PELP1: variants seen among roughly 807,000 people sequenced by gnomAD.
PELP1 encodes the protein proline, glutamate and leucine rich protein 1.
Under a neutral mutation model 95.5 loss-of-function variants are expected in PELP1, and 32 were observed. The ratio of observed to expected loss-of-function variants is 0.34; its 90% CI spans 0.25 to 0.45. The LOEUF is 0.45. Ranked by LOEUF, PELP1 falls within the 20% of genes least tolerant of loss-of-function variation. The probability of loss-of-function intolerance (pLI) is 1.00; values close to 1 mark genes in which losing one functional copy is unlikely to be tolerated. For synonymous variants in PELP1, 668 were observed against 600.1 expected, an observed-to-expected ratio of 1.11 and a Z score of -1.65; for missense variants, 1,358 against 1,444.8, an observed-to-expected ratio of 0.94 and a Z score of 0.97.
Position 4,672,893 on chromosome 17 carries a change from G to T in PELP1, c.2098C>A (p.Pro700Thr). 6.2e-7 allele frequency: 1 copy of T among 1,613,838 alleles called. No individual in the cohort carries two copies. Among genetic ancestry groups the T allele is most frequent in the Non-Finnish European group, 8.5e-7 (1 of 1,179,836 alleles). ...TGGTTGGCTGTGGTGGGAGGTCCAG[G>T]GCGTGCCGAGGGCACAGGGCCTGCT... is the stretch of plus-strand genomic sequence containing the variant. ...PSAGPVPSAR[P>T]GPPTTANHLG... Residue 700 changes from proline to threonine, a missense_variant, in exon 16 of 17, where the codon CCT (proline) becomes ACT (threonine). Pro to Thr is a conservative substitution (Grantham distance 38, BLOSUM62 -1). Coordinates refer to ENST00000572293, the MANE Select transcript of PELP1 (RefSeq NM_014389.3).
intron 1 of PELP1, among the ~76,000 whole-genome samples, chr17:4,700,975 A>G (rs72824971): frequency 0.14 from 18,662 of 132,672 alleles, 1,984 homozygotes; most frequent in Non-Finnish European, 0.22. Context: ...AGAAAGAAAG[A>G]AAAAGCAAAG....
At chr17:4,679,051 G>A (rs1179298381) in intron 5 of PELP1, among the ~76,000 whole-genome samples, 1 of 150,898 alleles carries the variant, frequency 6.6e-6, no homozygotes, top group African/African-American at 2.4e-5. Flanking sequence ...TTTTGAGACA[G>A]GGTCTCACTC....
rs781400324 is a variant in PELP1 at position 4,674,827 on chromosome 17, C to T, written c.1404G>A (p.Pro468=). 27 of 1,611,940 alleles carry T rather than the reference C, an allele frequency of 1.7e-5. No individual in the cohort carries two copies. Among genetic ancestry groups the T allele is most frequent in the African/African-American group, 1.6e-4 (12 of 74,894 alleles). Residue 468 remains proline (P), a synonymous_variant, in exon 12 of 17, where the codon CCG becomes CCA. Coordinates refer to ENST00000572293, the MANE Select transcript of PELP1 (RefSeq NM_014389.3). ...TCCTCACCTTAAGGGCATCAGCTGGCGGGGAGATGTCGCTGAGCAGGTGGG... is the reference window on the plus strand; with the variant it reads ...TCCTCACCTTAAGGGCATCAGCTGGTGGGGAGATGTCGCTGAGCAGGTGGG... ...LLTHLLSDIS[P]PADALKLRSP... is the part of the protein sequence containing the mutation.
Position 4,682,857 on chromosome 17 carries a change from G to T in PELP1, c.516C>A (p.Ile172=). Residue 172 remains isoleucine, a synonymous_variant, in exon 4 of 17, where the codon ATC becomes ATA. Coordinates refer to ENST00000572293, the MANE Select transcript of PELP1 (RefSeq NM_014389.3). ...AAQLPALFRD[I]SMNHLPGLLT... ...GAAGGCCAGGGAGGTGGTTCATGGAGATGTCCCGGAACAGTGCAGGCAGCT... is the reference window on the plus strand; with the variant it reads ...GAAGGCCAGGGAGGTGGTTCATGGATATGTCCCGGAACAGTGCAGGCAGCT... 3 of 1,602,016 alleles carry T rather than the reference G, an allele frequency of 1.9e-6. No individual in the cohort carries two copies.
In PELP1 at chr17:4,680,395, G is replaced by A. The variant is rs553716977; in HGVS notation, c.642+2107C>T. Among the ~76,000 whole-genome samples, 133 of 151,966 alleles carry A rather than the reference G, an allele frequency of 8.8e-4. 1 individual carries two copies. Among genetic ancestry groups the A allele is most frequent in the Admixed American group, 3.3e-3 (51 of 15,248 alleles). On this transcript the variant is annotated intron_variant, in intron 5 of 16. Coordinates refer to ENST00000572293, the MANE Select transcript of PELP1 (RefSeq NM_014389.3). Reference sequence around the variant, plus strand: ...TGGGTCCAAGCAATTCTCCTGCCTCGGCCTCCCAAGTAACTGGGACTACAG... The same window carrying A: ...TGGGTCCAAGCAATTCTCCTGCCTCAGCCTCCCAAGTAACTGGGACTACAG...
intron 13 of PELP1, 107 bp downstream of exon 13, chr17:4,674,403 C>A: frequency 1.9e-6 from 2 of 1,026,278 alleles, no homozygotes; most frequent in South Asian, 2.9e-5. Context: ...TAGGCACTCT[C>A]CCCACAAAAG....
chr17:4,683,151 A>C (rs1423784790), intron 3 of PELP1, 199 bp from the exon 4 acceptor site: 1 of 1,139,728 alleles, frequency 8.8e-7, no homozygotes, highest in Non-Finnish European at 1.1e-6. Context: ...CTGGGGTCCT[A>C]GGAATTTGTG....
At position 4,671,681 on chromosome 17, in the gene PELP1, G is replaced by A. The variant is rs536405832; in HGVS notation, c.3300+10C>T. On this transcript the variant is annotated intron_variant, in intron 16 of 16. Transcript: ENST00000572293. ...CTCGCCCAAGGAACCTTCCCTGCCTGGCCTCTCACCTTTTCCTGGAGAGCT... is the reference window on the plus strand; with the variant it reads ...CTCGCCCAAGGAACCTTCCCTGCCTAGCCTCTCACCTTTTCCTGGAGAGCT... 19 of 1,584,446 alleles carry A rather than the reference G, an allele frequency of 1.2e-5. No homozygotes were observed. The highest frequency in any genetic ancestry group is 8.2e-5 in the African/African-American group (6 of 73,040).
chr17:4,675,254 G>C lies in PELP1; in HGVS notation c.1157+20C>G. ...TGGCACGCCCTATCCCTTCACCACA[G>C]CCAGCCCAATCCCACTCACGCGAGG... On this transcript the variant is annotated intron_variant, in intron 10 of 16. Coordinates refer to ENST00000572293, the MANE Select transcript of PELP1 (RefSeq NM_014389.3). The surrounding 1 kb of genome is among the most constrained non-coding windows in gnomAD (Gnocchi z 4.3). 1 of 1,590,284 alleles carries C rather than the reference G, an allele frequency of 6.3e-7. No homozygotes were observed. Among genetic ancestry groups the C allele is most frequent in the Non-Finnish European group, 8.6e-7 (1 of 1,168,614 alleles).
rs768977236 is a variant in PELP1, at chr17:4,672,921, GGGCATGGGGCCTGCTGAA to G, written c.2052_2069del (p.Met689_Pro694del). ...GTGCCGAGGGCACAGGGCCTGCTGA[GGGCATGGGGCCTGCTGAA>G]GGCATGGGGCCTGCTGAGGGCATGG... is the stretch of plus-strand genomic sequence containing the variant. On this transcript the variant is annotated inframe_deletion, in exon 16 of 17. Coordinates refer to ENST00000572293, the MANE Select transcript of PELP1 (RefSeq NM_014389.3). 495 of 1,611,854 alleles carry G rather than the reference GGGCATGGGGCCTGCTGAA, an allele frequency of 3.1e-4. No individual in the cohort carries two copies. Among genetic ancestry groups the G allele is most frequent in the Admixed American group, 6.8e-4 (41 of 59,856 alleles).
intron 3 of PELP1, among the ~76,000 whole-genome samples, chr17:4,683,346 G>A (rs1459203647): frequency 6.6e-5 from 10 of 150,700 alleles, no homozygotes; most frequent in Admixed American, 2.0e-4. Flanking sequence ...TCAGCCTCCC[G>A]AGTAGCTGAG....
chr17:4,672,787 T>C lies in PELP1; in HGVS notation c.2204A>G (p.Asn735Ser). The change falls in exon 16 of 17, where the codon AAT becomes AGT. Residue 735 changes from asparagine to serine, a missense_variant. Around this residue, in one of 7 missense-constraint regions of PELP1, gnomAD observed 340 missense variants for 322.9 expected, o/e 1.05. Coordinates refer to ENST00000572293, the MANE Select transcript of PELP1 (RefSeq NM_014389.3). ...ACTAGGGGCAAGGATGGGGTCCTCA[T>C]TTGAGCCTGCCCGGTGGTTCTCAGG... ...PGPENHRAGSNEDPILAPSGT... is the reference protein window; with the variant it reads ...PGPENHRAGSSEDPILAPSGT... The C allele has an allele frequency of 1.2e-6, 2 of 1,613,754 alleles. No individual in the cohort carries two copies. The highest frequency in any genetic ancestry group is 1.7e-6 in the Non-Finnish European group (2 of 1,179,780).
rs764497135 is a variant in PELP1 at position 4,672,996 on chromosome 17, G to C, written c.1995C>G (p.Phe665Leu). 3.9e-6 allele frequency: 6 copies of C among 1,557,960 alleles called. No homozygotes were observed. The highest frequency in any genetic ancestry group is 5.2e-6 in the Non-Finnish European group (6 of 1,153,124). ...CTGAGGGCATGGGGCCCGGAGGATG[G>C]AACGGTGGGGCCCTGAAGGGCGATG... ...EAPSPFRAPP[F>L]HPPGPMPSVG... is the part of the protein sequence containing the mutation. Residue 665 changes from phenylalanine (F) to leucine (L), a missense_variant, in exon 16 of 17, where the codon TTC becomes TTG. Physicochemically the swap from Phe to Leu is conservative, Grantham distance 22 (BLOSUM62 0). Coordinates refer to ENST00000572293, the MANE Select transcript of PELP1 (RefSeq NM_014389.3).
chr17:4,673,746 G>T lies in PELP1; in HGVS notation c.1583-72C>A. ...ACGGCAAGGGCTTCTGAAGCATACA[G>T]CCCAAAATGGGCATCAACTCTGCCA... is the stretch of plus-strand genomic sequence containing the variant. On this transcript the variant is annotated intron_variant, in intron 13 of 16. Transcript: ENST00000572293. This position sits in a 1 kb window ranked among gnomAD's most constrained non-coding sequence, Gnocchi z 5.7. 2 of 1,298,132 alleles carry T rather than the reference G, an allele frequency of 1.5e-6. No individual in the cohort carries two copies. The highest frequency in any genetic ancestry group is 1.8e-4 in the Middle Eastern group (1 of 5,476). The allele number at this position is 1,298,132 out of a possible 1,614,324, so 80.4% of individuals were successfully genotyped here.
rs1912344350 is a variant in PELP1 at position 4,673,893 on chromosome 17, T to C, written c.1583-219A>G. On this transcript the variant is annotated intron_variant, in intron 13 of 16. Coordinates refer to ENST00000572293, the MANE Select transcript of PELP1 (RefSeq NM_014389.3). This position sits in a 1 kb window ranked among gnomAD's most constrained non-coding sequence, Gnocchi z 5.7. ...GACAATGTAAGTAAAAAATTATAAA[T>C]TTTATAATTTTGCATTTATATATTT... 1 of 552,832 alleles carries C rather than the reference T, an allele frequency of 1.8e-6. No homozygotes were observed. The highest frequency in any genetic ancestry group is 3.2e-6 in the Non-Finnish European group (1 of 309,750). 34.2% of individuals were successfully genotyped at this position (552,832 alleles called of 1,614,324 possible). A position where few individuals can be genotyped will look rare whatever the true frequency, so the allele number is the denominator to read the frequency against.
chr17:4,673,424 C>A lies in PELP1; in HGVS notation c.1671G>T (p.Met557Ile), dbSNP rs747857292. 6 of 1,594,496 alleles carry A rather than the reference C, an allele frequency of 3.8e-6. No homozygotes were observed. The highest frequency in any genetic ancestry group is 5.1e-6 in the Non-Finnish European group (6 of 1,171,126). The change falls in exon 15 of 17, where the codon ATG becomes ATT. Residue 557 changes from methionine to isoleucine, a missense_variant. Transcript: ENST00000572293. The surrounding 1 kb of genome is among the most constrained non-coding windows in gnomAD (Gnocchi z 5.7). ...CTAGGACCTCACCCTGCTGTACACC[C>A]ATGACCAGGGGGAGGACCAGGTCAT... ...RLHDLVLPLV[M>I]GVQQGEVLGS...
chr17:4,681,888 G>A (rs187018754), intron 5 of PELP1, among the ~76,000 whole-genome samples: 66 of 152,218 alleles, frequency 4.3e-4, no homozygotes, highest in African/African-American at 9.2e-4. Flanking sequence ...AGGGGGCCAG[G>A]CACAGTGGCT....
chr17:4,697,566 C>G (rs2150566104), intron 1 of PELP1, among the ~76,000 whole-genome samples: 1 of 152,216 alleles, frequency 6.6e-6, no homozygotes, highest in Middle Eastern at 3.4e-3. Flanking sequence ...TCCCAGAAGT[C>G]AAGTGAAGAC....
At chr17:4,696,542 G>A (rs1047418200) in intron 1 of PELP1, 1 of 152,152 alleles carries the variant, frequency 6.6e-6, no homozygotes, top group African/African-American at 2.4e-5. Context: ...AAAGCCACGA[G>A]GGGGAGAGAG....
Sources: gnomAD v4.1 joint callset for allele counts (sites outside exome capture counted in the v4.1 genomes callset) on GRCh38, gnomAD v4.1.1 for gene constraint, gnomAD v4.1.1 regional missense constraint, Gnocchi (gnomAD v3.1) non-coding constraint, MANE v1.5 for transcripts, NCBI Gene and HGNC (gene_info 2026-07-23, HGNC 2026-07-21) for gene names.